The following R3HDM2 variants were observed in gnomAD, a reference collection of about 807,000 sequenced individuals.
R3HDM2 encodes R3H domain containing 2.
In R3HDM2, 38 loss-of-function variants were observed where a neutral mutation model predicts 124.5. That is an observed-to-expected ratio of 0.31 (90% CI 0.24 to 0.40). The LOEUF (loss-of-function observed/expected upper bound fraction) is 0.40. Ranked by LOEUF, R3HDM2 falls within the 10% of genes least tolerant of loss-of-function variation. R3HDM2 has a pLI of 1.00. For missense variants in R3HDM2, 869 were observed against 1,236.9 expected (o/e 0.70, Z 4.46); for synonymous variants, 391 against 448.0 (o/e 0.87, Z 1.61).
chr12:57,421,155 C>T (rs1430678217), intron 1 of R3HDM2, among the ~76,000 whole-genome samples: 1 of 141,674 alleles, frequency 7.1e-6, no homozygotes, highest in Non-Finnish European at 1.5e-5. Context: ...CCATGTCTAA[C>T]AGATTCTTTT....
intron 1 of R3HDM2, 100 bp from the exon 2 acceptor site, chr12:57,395,918 A>C: frequency 1.2e-5 from 5 of 410,296 alleles, no homozygotes; most frequent in Non-Finnish European, 1.6e-5. Context: ...TGTTAATATC[A>C]TCTTTCCCAA....
At chr12:57,281,738 T>C (rs2046193721) in intron 13 of R3HDM2, among the ~76,000 whole-genome samples, 1 of 151,700 alleles carries the variant, frequency 6.6e-6, no homozygotes, top group Non-Finnish European at 1.5e-5. Context: ...TGCCTGCCTC[T>C]GCCTCCCAGA....
intron 2 of R3HDM2, among the ~76,000 whole-genome samples, chr12:57,382,033 C>T (rs544398802): frequency 2.6e-5 from 4 of 151,914 alleles, no homozygotes; most frequent in South Asian, 2.1e-4. Flanking sequence ...GTTGCCCAGG[C>T]TGGTCTCTAA....
chr12:57,262,003 T>C (rs1254585662), intron 19 of R3HDM2, among the ~76,000 whole-genome samples: 3 of 152,140 alleles, frequency 2.0e-5, no homozygotes, highest in Non-Finnish European at 4.4e-5. Flanking sequence ...CAGATGACAT[T>C]TATGTCTGGC....
chr12:57,375,626 C>T (rs2063949935), intron 2 of R3HDM2, among the ~76,000 whole-genome samples: 1 of 150,490 alleles, frequency 6.6e-6, no homozygotes, highest in Admixed American at 6.6e-5. Flanking sequence ...CAGGCTGGTT[C>T]TTTCAAAATA....
chr12:57,413,203 TG>T (rs2069170722), intron 1 of R3HDM2, among the ~76,000 whole-genome samples: 1 of 151,284 alleles, frequency 6.6e-6, no homozygotes, highest in African/African-American at 2.4e-5. Context: ...CCAAATTAGG[TG>T]AAAAAAAAGC....
At chr12:57,427,720 T>C (rs1868294236) in intron 1 of R3HDM2, among the ~76,000 whole-genome samples, 1 of 151,518 alleles carries the variant, frequency 6.6e-6, no homozygotes, top group South Asian at 2.1e-4. Context: ...AGGCAGAAAA[T>C]AAAGCAGAAA....
At chr12:57,418,681 C>A (rs1014457988) in intron 1 of R3HDM2, among the ~76,000 whole-genome samples, 3 of 152,032 alleles carry the variant, frequency 2.0e-5, no homozygotes, top group Admixed American at 1.3e-4. Flanking sequence ...GCCTCAGCCT[C>A]CCCAGTAGCT....
intron 1 of R3HDM2, among the ~76,000 whole-genome samples, chr12:57,423,246 ACC>A (rs1220775907): frequency 6.6e-6 from 1 of 150,972 alleles, no homozygotes; most frequent in South Asian, 2.1e-4. Context: ...ACATGGTGAA[ACC>A]CCCCATCTCT....
chr12:57,332,410 CA>C (rs10653446), intron 2 of R3HDM2, among the ~76,000 whole-genome samples: 20,903 of 58,682 alleles, frequency 0.36, 1,322 homozygotes, highest in Middle Eastern at 0.59. Context: ...GACCCTGTCT[CA>C]AAAAAAAAAA....
chr12:57,280,269 T>G, intron 14 of R3HDM2, 89 bp downstream of exon 14: 1 of 1,338,098 alleles, frequency 7.5e-7, no homozygotes, highest in Admixed American at 2.5e-5. Context: ...TGATCCTTCC[T>G]GCCACCCACA....
chr12:57,360,748 G>A (rs1412645856), intron 2 of R3HDM2, among the ~76,000 whole-genome samples: 1 of 152,166 alleles, frequency 6.6e-6, no homozygotes, highest in African/African-American at 2.4e-5. Context: ...TTATATGGAT[G>A]CAGGATTGCT....
Position 57,307,639 on chromosome 12 carries a change from T to G in R3HDM2, c.165+2625A>C, listed in dbSNP as rs559923105. ...CCCAGCCATGCTCTTTTTTTTTTTT[T>G]TTTTTGAGACAGGGTCTCACTCTGT... On this transcript the variant is annotated intron_variant, in intron 3 of 23. Transcript: ENST00000402412. Among the ~76,000 whole-genome samples, 12 of 149,986 alleles carry G rather than the reference T, an allele frequency of 8.0e-5. No homozygotes were observed. In the East Asian group the frequency reaches 2.4e-3, roughly 29 times the overall value.
intron 1 of R3HDM2, among the ~76,000 whole-genome samples, chr12:57,427,243 A>AAG (rs2070826177): frequency 1.3e-5 from 2 of 151,366 alleles, no homozygotes; most frequent in African/African-American, 4.8e-5. Flanking sequence ...GTGAGCTGAC[A>AAG]TCGTGCCACT....
At chr12:57,365,264 CAAAAAAAAAGAAA>C (rs1018265141) in intron 2 of R3HDM2, among the ~76,000 whole-genome samples, 1 of 137,568 alleles carries the variant, frequency 7.3e-6, no homozygotes, top group Non-Finnish European at 1.6e-5. Context: ...ACTCTGTCTC[CAAAAAAAAAGAAA>C]AAAAAAAAAG....
chr12:57,363,268 T>C (rs1265670772), intron 2 of R3HDM2, among the ~76,000 whole-genome samples: 4 of 152,168 alleles, frequency 2.6e-5, no homozygotes, highest in East Asian at 3.8e-4. Context: ...ACACTTTTTA[T>C]TGTGACATAA....
At chr12:57,407,651 C>T (rs751132865) in intron 1 of R3HDM2, among the ~76,000 whole-genome samples, 12 of 152,088 alleles carry the variant, frequency 7.9e-5, no homozygotes, top group African/African-American at 2.2e-4. Flanking sequence ...GTGATCCACC[C>T]GCCTCGGCCT....
intron 1 of R3HDM2, among the ~76,000 whole-genome samples, chr12:57,398,075 A>G (rs542919221): frequency 6.9e-6 from 1 of 145,196 alleles, no homozygotes; most frequent in South Asian, 2.3e-4. Context: ...CCAGCTACTC[A>G]GGAGGCTGAA....
intron 2 of R3HDM2, among the ~76,000 whole-genome samples, chr12:57,392,037 C>T (rs939673456): frequency 6.6e-6 from 1 of 152,156 alleles, no homozygotes; most frequent in Non-Finnish European, 1.5e-5. Context: ...GTGGTGGGCA[C>T]CTGTAATCCC....
Sources: gnomAD v4.1 joint callset for allele counts (sites outside exome capture counted in the v4.1 genomes callset) on GRCh38, gnomAD v4.1.1 for gene constraint, MANE v1.5 for transcripts, NCBI Gene and HGNC (gene_info 2026-07-23, HGNC 2026-07-21) for gene names.